Variants in NKAIN2 observed in about 807,000 individuals in gnomAD.
NKAIN2 encodes sodium/potassium-transporting ATPase subunit beta-1-interacting protein 2.
In NKAIN2, 14 loss-of-function variants were observed where a neutral mutation model predicts 32.6. The ratio of observed to expected loss-of-function variants is 0.43; its 90% CI spans 0.28 to 0.67. The LOEUF (loss-of-function observed/expected upper bound fraction) is 0.67. NKAIN2 is among the 30% of genes least tolerant of loss of function. The probability of loss-of-function intolerance (pLI) is 0.17; values close to 1 mark genes in which losing one functional copy is unlikely to be tolerated. For missense variants in NKAIN2, 198 were observed against 258.3 expected, an observed-to-expected ratio of 0.77 and a Z score of 1.60; for synonymous variants, 80 against 87.2, an observed-to-expected ratio of 0.92 and a Z score of 0.46.
At chr6:124,690,284 G>A (rs1189787422) in intron 4 of NKAIN2, among the ~76,000 whole-genome samples, 1 of 152,036 alleles carries the variant, frequency 6.6e-6, no homozygotes, top group Non-Finnish European at 1.5e-5. Flanking sequence ...ATTGACTTCT[G>A]TTTATTAATC....
At chr6:124,710,064 A>T (rs1775356368) in intron 4 of NKAIN2, among the ~76,000 whole-genome samples, 1 of 151,772 alleles carries the variant, frequency 6.6e-6, no homozygotes, top group Non-Finnish European at 1.5e-5. Flanking sequence ...GAACATCTTT[A>T]TTTCTGCCTT....
At chr6:124,136,563 C>T (rs1298972555) in intron 1 of NKAIN2, among the ~76,000 whole-genome samples, 4 of 152,028 alleles carry the variant, frequency 2.6e-5, no homozygotes, top group African/African-American at 9.7e-5. Flanking sequence ...AAAAAGAAAA[C>T]TACAGACCAA....
intron 3 of NKAIN2, among the ~76,000 whole-genome samples, chr6:124,624,891 T>C (rs1317866178): frequency 6.6e-6 from 1 of 151,868 alleles, no homozygotes; most frequent in Non-Finnish European, 1.5e-5. Context: ...TCATTGTGTT[T>C]TCTCACTGGT....
At chr6:124,698,411 T>C (rs911986599) in intron 4 of NKAIN2, among the ~76,000 whole-genome samples, 3 of 152,212 alleles carry the variant, frequency 2.0e-5, no homozygotes, top group Admixed American at 1.3e-4. Flanking sequence ...AGTGAAAGTC[T>C]GTGTTACCCT....
intron 1 of NKAIN2, among the ~76,000 whole-genome samples, chr6:124,064,683 A>T (rs1033761201): frequency 6.6e-6 from 1 of 152,184 alleles, no homozygotes; most frequent in African/African-American, 2.4e-5. Flanking sequence ...GAACAATGCC[A>T]ATTTAGATAT....
chr6:124,446,128 G>A (rs933100231), intron 3 of NKAIN2, among the ~76,000 whole-genome samples: 3 of 151,934 alleles, frequency 2.0e-5, no homozygotes, highest in African/African-American at 7.3e-5. Context: ...CCAACATCCT[G>A]TTTATTATTT....
intron 3 of NKAIN2, among the ~76,000 whole-genome samples, chr6:124,409,941 A>C (rs1774077676): frequency 6.6e-6 from 1 of 152,054 alleles, no homozygotes; most frequent in African/African-American, 2.4e-5. Flanking sequence ...TGTGTCGAGG[A>C]ATTTATCCAT....
intron 3 of NKAIN2, among the ~76,000 whole-genome samples, chr6:124,626,574 T>C (rs1783355919): frequency 1.3e-5 from 2 of 152,178 alleles, no homozygotes; most frequent in Non-Finnish European, 2.9e-5. Flanking sequence ...TAATGACTCA[T>C]GCTTTATTAA....
chr6:124,755,494 T>C lies in NKAIN2; in HGVS notation c.475-35845T>C, dbSNP rs533784174. On this transcript the variant is annotated intron_variant, in intron 4 of 6. Coordinates refer to ENST00000368417, the MANE Select transcript of NKAIN2 (RefSeq NM_001040214.3). ...AGTCCAATCAAGTTGACATCTAATATTAACCATCACATGTACCATGGAATA... is the reference window on the plus strand; with the variant it reads ...AGTCCAATCAAGTTGACATCTAATACTAACCATCACATGTACCATGGAATA... 1.7e-3 allele frequency among the ~76,000 whole-genome samples: 264 copies of C among 152,216 alleles called. 3 individuals are homozygous for C. Among genetic ancestry groups the C allele is most frequent in the African/African-American group, 5.9e-3 (244 of 41,564 alleles).
At chr6:124,613,916 G>T (rs879466677) in intron 3 of NKAIN2, among the ~76,000 whole-genome samples, 2 of 152,140 alleles carry the variant, frequency 1.3e-5, no homozygotes, top group East Asian at 3.9e-4. Context: ...ATTCACACTA[G>T]CTACCATTTC....
intron 3 of NKAIN2, among the ~76,000 whole-genome samples, chr6:124,547,281 T>C (rs1042746211): frequency 1.3e-5 from 2 of 152,222 alleles, no homozygotes; most frequent in East Asian, 1.9e-4. Flanking sequence ...ACCAGGTTTT[T>C]TTTTTAGCCT....
intron 1 of NKAIN2, among the ~76,000 whole-genome samples, chr6:124,147,056 T>A (rs756004800): frequency 2.6e-5 from 4 of 152,186 alleles, no homozygotes; most frequent in African/African-American, 7.2e-5. Flanking sequence ...AAAAGTAACA[T>A]TGTCATCCAA....
chr6:123,839,027 C>T (rs1774750248), intron 1 of NKAIN2, among the ~76,000 whole-genome samples: 1 of 152,150 alleles, frequency 6.6e-6, no homozygotes, highest in African/African-American at 2.4e-5. Context: ...CTATCCTGCC[C>T]TGCTTCAAGT....
Position 124,483,086 on chromosome 6 carries a change from C to A in NKAIN2, c.273+127739C>A, listed in dbSNP as rs572847448. ...GCAGTGAGCCGAGATCGTGCCACTG[C>A]ACTCCAGCCTGGACGACAGAGACTG... On this transcript the variant is annotated intron_variant, in intron 3 of 6. Transcript: ENST00000368417. 2.0e-4 allele frequency among the ~76,000 whole-genome samples: 30 copies of A among 151,906 alleles called. 1 individual carries two copies. The East Asian group carries it at 5.0e-3, about 25-fold the overall frequency.
intron 1 of NKAIN2, among the ~76,000 whole-genome samples, chr6:123,901,038 C>G (rs1315808896): frequency 6.6e-6 from 1 of 152,066 alleles, no homozygotes; most frequent in Non-Finnish European, 1.5e-5. Flanking sequence ...GTCCTCTGAC[C>G]CATGTCTTTA....
chr6:123,978,051 T>C (rs576772660), intron 1 of NKAIN2, among the ~76,000 whole-genome samples: 1 of 152,204 alleles, frequency 6.6e-6, no homozygotes, highest in Non-Finnish European at 1.5e-5. Flanking sequence ...TTAATACTTA[T>C]CATGTTTATG....
chr6:124,524,930 GAAACAAGA>G, intron 3 of NKAIN2, among the ~76,000 whole-genome samples: 1 of 152,080 alleles, frequency 6.6e-6, no homozygotes, highest in East Asian at 1.9e-4. Context: ...AATCCCCACG[GAAACAAGA>G]TGGCACTGCT....
At chr6:124,108,649 T>A (rs1785229268) in intron 1 of NKAIN2, among the ~76,000 whole-genome samples, 1 of 152,070 alleles carries the variant, frequency 6.6e-6, no homozygotes, top group South Asian at 2.1e-4. Flanking sequence ...CCCTATGTTT[T>A]CTTCTAAGGG....
intron 4 of NKAIN2, among the ~76,000 whole-genome samples, chr6:124,759,986 CAGG>C (rs1322897118): frequency 2.6e-5 from 4 of 151,990 alleles, no homozygotes; most frequent in South Asian, 2.1e-4. Context: ...TTCATAATCC[CAGG>C]AGAAGTGAAT....
Sources: allele counts gnomAD v4.1 joint callset (sites outside exome capture counted in the v4.1 genomes callset), GRCh38; gene constraint gnomAD v4.1.1; transcripts MANE v1.5; gene names NCBI Gene and HGNC (gene_info 2026-07-23, HGNC 2026-07-21).